The following CASP2 variants were observed in gnomAD, a reference collection of about 807,000 sequenced individuals.
CASP2 encodes the protein caspase-2.
In CASP2, 38 loss-of-function variants were observed where a neutral mutation model predicts 54.4. The observed-to-expected ratio is 0.70, with a 90% CI of 0.54 to 0.92. CASP2 has a LOEUF of 0.92. CASP2 is among the 40% of genes least tolerant of loss of function. CASP2 has a pLI of 0.00. For missense variants in CASP2, 512 were observed against 579.6 expected (o/e 0.88, Z 1.20); for synonymous variants, 215 against 216.3 (o/e 0.99, Z 0.05).
intron 8 of CASP2, chr7:143,300,648 ATCTG>A (rs530425615): frequency 2.7e-4 from 341 of 1,277,946 alleles, no homozygotes; most frequent in Non-Finnish European, 3.4e-4. Flanking sequence ...CGGATTTTTG[ATCTG>A]TCTTTTTCCT....
In CASP2 at chr7:143,292,614, C is replaced by G; in HGVS notation, c.394-3C>G. 1 of 1,613,730 alleles carries G rather than the reference C, an allele frequency of 6.2e-7. No individual in the cohort carries two copies. Among genetic ancestry groups the G allele is most frequent in the Non-Finnish European group, 8.5e-7 (1 of 1,179,742 alleles). Reference sequence around the variant, plus strand: ...TGTCATCATGAGTTTTGATTTCTTACAGTTGAGCTGTGACTACGACTTGAG... The same window carrying G: ...TGTCATCATGAGTTTTGATTTCTTAGAGTTGAGCTGTGACTACGACTTGAG... On this transcript the variant is annotated splice_polypyrimidine_tract_variant and splice_region_variant and intron_variant, in intron 3 of 10. Coordinates refer to ENST00000310447, the MANE Select transcript of CASP2 (RefSeq NM_032982.4).
Position 143,288,372 on chromosome 7 carries a change from G to T in CASP2, c.-84G>T, listed in dbSNP as rs11981631. 3 of 1,382,256 alleles carry T rather than the reference G, an allele frequency of 2.2e-6. No individual in the cohort carries two copies. Among genetic ancestry groups the T allele is most frequent in the Middle Eastern group, 2.5e-4 (1 of 4,038 alleles). 85.6% of individuals were successfully genotyped at this position (1,382,256 alleles called of 1,614,324 possible). A position where few individuals can be genotyped will look rare whatever the true frequency, so the allele number is the denominator to read the frequency against. On this transcript the variant is annotated 5_prime_UTR_variant, in exon 1 of 11. In the 5' UTR this introduces an upstream ATG that the reference lacks. Coordinates refer to ENST00000310447, the MANE Select transcript of CASP2 (RefSeq NM_032982.4). Reference sequence around the variant, plus strand: ...AGGCGCAGTGTGCGTCCGCGTCTGAGGGGAGGGATGTGGGGGAAGCGACGG... The same window carrying T: ...AGGCGCAGTGTGCGTCCGCGTCTGATGGGAGGGATGTGGGGGAAGCGACGG...
chr7:143,295,322 C>T (rs1277677560), intron 6 of CASP2, among the ~76,000 whole-genome samples: 2 of 152,340 alleles, frequency 1.3e-5, no homozygotes, highest in East Asian at 3.9e-4. Context: ...GCTACGGCAC[C>T]TGGCTGGGAA....
rs779011146 is a variant in CASP2 at position 143,304,689 on chromosome 7, G to A, written c.1133G>A (p.Arg378Gln). ...TTGGTTGCAGGGACTGCCGCCATGC[G>A]GAACACCAAACGAGGTTCCTGGTAC... is the stretch of plus-strand genomic sequence containing the variant. ...YACLKGTAAMRNTKRGSWYIE... is the reference protein window; with the variant it reads ...YACLKGTAAMQNTKRGSWYIE... Residue 378 changes from arginine (R) to glutamine (Q), a missense_variant, in exon 10 of 11, where the codon CGG becomes CAG. Arg to Gln is a conservative substitution (Grantham distance 43). Transcript: ENST00000310447. 39 of 1,613,908 alleles carry A rather than the reference G, an allele frequency of 2.4e-5. No individual in the cohort carries two copies. Among genetic ancestry groups the A allele is most frequent in the East Asian group, 2.2e-5 (1 of 44,892 alleles).
intron 4 of CASP2, among the ~76,000 whole-genome samples, chr7:143,293,703 G>A (rs1362347376): frequency 2.0e-5 from 3 of 151,870 alleles, no homozygotes; most frequent in African/African-American, 4.8e-5. Flanking sequence ...TAAGAGATGG[G>A]GTTTCACCAT....
chr7:143,291,418 A>G (rs1801553272), intron 1 of CASP2, 122 bp from the exon 2 acceptor site: 1 of 944,922 alleles, frequency 1.1e-6, no homozygotes, highest in Non-Finnish European at 1.7e-6. Flanking sequence ...TTTAAGAAAT[A>G]TGCATAATCT....
At chr7:143,303,762 A>T in intron 8 of CASP2, 22 bp from the exon 9 acceptor site, 2 of 1,612,294 alleles carry the variant, frequency 1.2e-6, no homozygotes, top group Non-Finnish European at 1.7e-6. Flanking sequence ...ATCATTGTCC[A>T]TTCTGTCTGC....
intron 2 of CASP2, among the ~76,000 whole-genome samples, chr7:143,292,088 C>T (rs564330250): frequency 4.3e-4 from 66 of 151,950 alleles, no homozygotes; most frequent in African/African-American, 1.5e-3. Context: ...GGATGTTGTA[C>T]CTTTCTAAAG....
intron 4 of CASP2, 35 bp from the exon 5 acceptor site, chr7:143,294,195 T>C (rs1563061712): frequency 1.9e-6 from 2 of 1,057,548 alleles, no homozygotes; most frequent in Non-Finnish European, 3.0e-6. Context: ...GGTTAAGTTA[T>C]ATACTAGTTT....
intron 6 of CASP2, among the ~76,000 whole-genome samples, chr7:143,295,088 C>T (rs1303135501): frequency 2.6e-5 from 4 of 151,684 alleles, no homozygotes; most frequent in Non-Finnish European, 2.9e-5. Flanking sequence ...AGTGCAATGG[C>T]ACGATCTCGG....
In CASP2 at chr7:143,300,553, T is replaced by C. The variant is rs550436353; in HGVS notation, c.967+259T>C. The C allele has an allele frequency of 1.8e-4, 280 of 1,513,610 alleles. 1 individual carries two copies. The South Asian group carries it at 2.7e-3, about 15-fold the overall frequency. 93.8% of individuals were successfully genotyped at this position (1,513,610 alleles called of 1,614,324 possible). ...CTGTTTTCAGGTCTCTTATCCCGTG[T>C]CTTTGCCTTCCTTTCTGAGAACTCT... On this transcript the variant is annotated intron_variant, in intron 8 of 10. Coordinates refer to ENST00000310447, the MANE Select transcript of CASP2 (RefSeq NM_032982.4).
Position 143,304,945 on chromosome 7 carries a change from C to T in CASP2, c.1233C>T (p.Asn411=), listed in dbSNP as rs200701125. The change falls in exon 11 of 11, where the codon AAC becomes AAT. Residue 411 remains asparagine, a synonymous_variant. Transcript: ENST00000310447. The stretch of plus-strand genomic sequence containing the variant: ...TATTGGTTCTGCCCCTCCAGGTGAA[C>T]GCACTTATCAAGGATCGGGAAGGTT... ...MHVADMLVKV[N]ALIKDREGYA... is the part of the protein sequence containing the mutation. 3.7e-5 allele frequency: 60 copies of T among 1,614,184 alleles called. No individual in the cohort carries two copies. The East Asian group carries it at 8.7e-4, about 23-fold the overall frequency.
chr7:143,298,253 A>G (rs1366525215), intron 6 of CASP2, among the ~76,000 whole-genome samples: 2 of 152,224 alleles, frequency 1.3e-5, no homozygotes, highest in East Asian at 1.9e-4. Flanking sequence ...GATTAAATAT[A>G]TGTGTGTTTT....
chr7:143,294,426 T>A, intron 5 of CASP2, 102 bp downstream of exon 5: 2 of 1,048,448 alleles, frequency 1.9e-6, no homozygotes, highest in Non-Finnish European at 1.5e-6. Flanking sequence ...TCTGCCTTAT[T>A]AGTCAGAAAG....
At position 143,300,045 on chromosome 7, in the gene CASP2, G is replaced by A; in HGVS notation, c.870G>A (p.Leu290=). 1.9e-6 allele frequency: 3 copies of A among 1,614,130 alleles called. No individual in the cohort carries two copies. The highest frequency in any genetic ancestry group is 2.2e-5 in the South Asian group (2 of 91,084). The part of the protein sequence containing the change: ...EGAIYGVDGK[L]LQLQEVFQLF... ...CCATCTATGGTGTGGATGGGAAACT[G>A]CTCCAGGTGCGGATACCCTGGTGGA... The change falls in exon 7 of 11, where the codon CTG becomes CTA. Residue 290 remains leucine (L), a synonymous_variant. Transcript: ENST00000310447.
intron 5 of CASP2, 33 bp downstream of exon 5, chr7:143,294,357 G>T (rs1801679556): frequency 1.4e-6 from 2 of 1,451,844 alleles, no homozygotes; most frequent in East Asian, 4.5e-5. Flanking sequence ...GAGGAAGAGA[G>T]TTGGGAAATT....
chr7:143,304,247 T>C (rs1802002696), intron 9 of CASP2, among the ~76,000 whole-genome samples: 1 of 152,248 alleles, frequency 6.6e-6, no homozygotes, highest in African/African-American at 2.4e-5. Flanking sequence ...AGCTGCTTTT[T>C]ACAAATTGAA....
chr7:143,303,156 T>C (rs1157297615), intron 8 of CASP2: 1 of 152,050 alleles, frequency 6.6e-6, no homozygotes, highest in Non-Finnish European at 1.5e-5. Flanking sequence ...ATTAAAAATT[T>C]TTTTTCTTAA....
At chr7:143,290,059 T>C (rs1175232496) in intron 1 of CASP2, among the ~76,000 whole-genome samples, 1 of 144,986 alleles carries the variant, frequency 6.9e-6, no homozygotes, top group African/African-American at 2.6e-5. Flanking sequence ...CCCTCCCTTT[T>C]TTTTTTTTTT....
Sources: gnomAD v4.1 joint callset for allele counts (sites outside exome capture counted in the v4.1 genomes callset) on GRCh38, gnomAD v4.1.1 for gene constraint, MANE v1.5 for transcripts, NCBI Gene and HGNC (gene_info 2026-07-23, HGNC 2026-07-21) for gene names.